Variants in RALGPS2 observed in about 807,000 individuals in gnomAD.
RALGPS2 encodes Ral GEF with PH domain and SH3 binding motif 2, also known as ras-specific guanine nucleotide-releasing factor RalGPS2.
Under a neutral mutation model 86.8 loss-of-function variants are expected in RALGPS2, and 43 were observed. The observed-to-expected ratio is 0.50, with a 90% confidence interval of 0.39 to 0.64. The LOEUF (loss-of-function observed/expected upper bound fraction) is 0.64. Among genes scored for constraint, RALGPS2 ranks in the 30% least tolerant of loss-of-function variants. RALGPS2 has a pLI of 0.00. For synonymous variants in RALGPS2, 243 were observed against 231.3 expected, an observed-to-expected ratio of 1.05 and a Z score of -0.46; for missense variants, 536 against 694.6, an observed-to-expected ratio of 0.77 and a Z score of 2.57.
intron 7 of RALGPS2, 66 bp downstream of exon 7, chr1:178,821,770 C>A: frequency 8.3e-7 from 1 of 1,198,390 alleles, no homozygotes; most frequent in Non-Finnish European, 1.2e-6. Flanking sequence ...ATATTCATTT[C>A]CTTTGTAATT....
rs386637126 is a variant in RALGPS2, at chr1:178,788,986, AACC to A, written c.213+3380_213+3382del. 4.9e-3 allele frequency among the ~76,000 whole-genome samples: 735 copies of A among 151,042 alleles called. 6 individuals are homozygous for A. The highest frequency in any genetic ancestry group is 0.016 in the African/African-American group (668 of 41,014). Reference sequence around the variant, plus strand: ...CAGTGGTGTGATCTCAACTTACTGCAACCTCCGCCTCCCGGGTTCAAGTGATTA... The same window carrying A: ...CAGTGGTGTGATCTCAACTTACTGCATCCGCCTCCCGGGTTCAAGTGATTA... On this transcript the variant is annotated intron_variant, in intron 4 of 19. Transcript: ENST00000367635.
At chr1:178,768,569 C>CT (rs1373940076) in intron 1 of RALGPS2, among the ~76,000 whole-genome samples, 1 of 152,178 alleles carries the variant, frequency 6.6e-6, no homozygotes, top group African/African-American at 2.4e-5. Flanking sequence ...GCTGGGTGTA[C>CT]ACTTGATCCT....
chr1:178,812,197 T>G (rs1440883297), intron 6 of RALGPS2, among the ~76,000 whole-genome samples: 1 of 151,872 alleles, frequency 6.6e-6, no homozygotes. Flanking sequence ...AGGGGAGTTT[T>G]GGGGGAGGGG....
chr1:178,822,342 T>C (rs532250562), intron 7 of RALGPS2, among the ~76,000 whole-genome samples: 1 of 152,134 alleles, frequency 6.6e-6, no homozygotes, highest in South Asian at 2.1e-4. Context: ...ATTTATAGTT[T>C]ATATAAGTAA....
At chr1:178,844,555 A>G (rs1023201558) in intron 8 of RALGPS2, among the ~76,000 whole-genome samples, 2 of 152,196 alleles carry the variant, frequency 1.3e-5, no homozygotes. Context: ...AGCTTGGACA[A>G]TATCGTGAAA....
chr1:178,865,676 C>G (rs1302979407), intron 8 of RALGPS2: 2 of 1,614,010 alleles, frequency 1.2e-6, no homozygotes, highest in Middle Eastern at 1.6e-4. Context: ...AGGGTATCTT[C>G]TCTGGTTTAT....
At chr1:178,778,163 C>G in intron 2 of RALGPS2, among the ~76,000 whole-genome samples, 1 of 126,680 alleles carries the variant, frequency 7.9e-6, no homozygotes, top group African/African-American at 3.7e-5. Flanking sequence ...GTGCTAATAT[C>G]CAGAATCTAC....
chr1:178,891,480 C>T (rs1434336624), intron 14 of RALGPS2, among the ~76,000 whole-genome samples: 5 of 152,034 alleles, frequency 3.3e-5, no homozygotes, highest in African/African-American at 9.7e-5. Flanking sequence ...TTTTTCTAGA[C>T]AGACATCAAA....
At chr1:178,864,300 T>G (rs576495017) in intron 8 of RALGPS2, among the ~76,000 whole-genome samples, 2 of 152,158 alleles carry the variant, frequency 1.3e-5, no homozygotes, top group African/African-American at 4.8e-5. Flanking sequence ...ATAATGAACA[T>G]TTATATTTCT....
rs952358278 is a variant in RALGPS2 at position 178,902,195 on chromosome 1, G to C, written c.1614G>C (p.Leu538=). ...DDPEHPDLFL[L]TDSEKGNSYK... ...CTGAACATCCTGATCTCTTCCTGCT[G>C]ACTGACTCTGAGAAAGGTGAATTGT... The change falls in exon 18 of 20, where the codon CTG becomes CTC. Residue 538 remains leucine (L), a synonymous_variant. Coordinates refer to ENST00000367635, the MANE Select transcript of RALGPS2 (RefSeq NM_152663.5). 12 of 1,611,978 alleles carry C rather than the reference G, an allele frequency of 7.4e-6. No homozygotes were observed. Among genetic ancestry groups the C allele is most frequent in the Non-Finnish European group, 9.3e-6 (11 of 1,178,446 alleles).
At chr1:178,768,150 T>C (rs1462382772) in intron 1 of RALGPS2, among the ~76,000 whole-genome samples, 1 of 152,224 alleles carries the variant, frequency 6.6e-6, no homozygotes, top group African/African-American at 2.4e-5. Flanking sequence ...GCTTCCTTTT[T>C]GTCGGTGCTT....
intron 19 of RALGPS2, among the ~76,000 whole-genome samples, chr1:178,913,159 G>A (rs757670179): frequency 6.6e-6 from 1 of 152,064 alleles, no homozygotes; most frequent in Non-Finnish European, 1.5e-5. Flanking sequence ...GTGCATACCT[G>A]TAGTCCCAGC....
At position 178,919,196 on chromosome 1, in the gene RALGPS2, A is replaced by T. The variant is rs901928514; in HGVS notation, c.*2837A>T. On this transcript the variant is annotated 3_prime_UTR_variant, in exon 20 of 20. Coordinates refer to ENST00000367635, the MANE Select transcript of RALGPS2 (RefSeq NM_152663.5). Reference sequence around the variant, plus strand: ...AATTGAACAAGAACTGATCAAACACACCTTCCTATTTTGTTTTCTTCACTA... The same window carrying T: ...AATTGAACAAGAACTGATCAAACACTCCTTCCTATTTTGTTTTCTTCACTA... The T allele has an allele frequency of 1.1e-4, 16 of 151,958 alleles. 1 individual carries two copies. Among genetic ancestry groups the T allele is most frequent in the Admixed American group, 4.6e-4 (7 of 15,252 alleles). 9.4% of individuals were successfully genotyped at this position (151,958 alleles called of 1,614,324 possible).
intron 2 of RALGPS2, among the ~76,000 whole-genome samples, chr1:178,778,076 C>CA (rs1653186409): frequency 7.7e-6 from 1 of 129,550 alleles, no homozygotes; most frequent in Non-Finnish European, 1.6e-5. Flanking sequence ...TTCTGCACAG[C>CA]AAAAGAAACT....
At chr1:178,824,808 CAAAAAAAAAG>C (rs137872056) in intron 7 of RALGPS2, among the ~76,000 whole-genome samples, 13,485 of 141,956 alleles carry the variant, frequency 0.095, 643 homozygotes, top group African/African-American at 0.14. Context: ...GACTCTGTCT[CAAAAAAAAAG>C]AAAAAAAAAG....
intron 5 of RALGPS2, among the ~76,000 whole-genome samples, chr1:178,808,635 T>C (rs1249814144): frequency 6.6e-6 from 1 of 152,152 alleles, no homozygotes; most frequent in Non-Finnish European, 1.5e-5. Flanking sequence ...AAAGCTCGTG[T>C]CTGTTTAAGC....
chr1:178,746,136 T>TA (rs1194431395), intron 1 of RALGPS2, among the ~76,000 whole-genome samples: 3 of 152,074 alleles, frequency 2.0e-5, no homozygotes, highest in African/African-American at 7.2e-5. Flanking sequence ...AGAGAATTCT[T>TA]AAGAGAATGA....
In RALGPS2 at chr1:178,916,503, A is replaced by C. The variant is rs530091353; in HGVS notation, c.*144A>C. On this transcript the variant is annotated 3_prime_UTR_variant, in exon 20 of 20. Coordinates refer to ENST00000367635, the MANE Select transcript of RALGPS2 (RefSeq NM_152663.5). ...CGTTGGAGTTCTCAACCAAAAAAGC[A>C]CTAATTTCAGGGAATGATTTGAGAT... 1.3e-5 allele frequency: 9 copies of C among 695,812 alleles called. No individual in the cohort carries two copies. The African/African-American group carries it at 1.5e-4, about 11-fold the overall frequency. The allele number at this position is 695,812 out of a possible 1,614,324, so 43.1% of individuals were successfully genotyped here.
intron 8 of RALGPS2, among the ~76,000 whole-genome samples, chr1:178,869,753 A>G (rs537848078): frequency 1.7e-4 from 26 of 152,240 alleles, no homozygotes; most frequent in East Asian, 5.8e-4. Flanking sequence ...AACCATTAAT[A>G]TCTTTAATTT....
Sources: allele counts gnomAD v4.1 joint callset (sites outside exome capture counted in the v4.1 genomes callset), GRCh38; gene constraint gnomAD v4.1.1; transcripts MANE v1.5; gene names NCBI Gene and HGNC (gene_info 2026-07-23, HGNC 2026-07-21).